Variants in ZNF804A observed in about 807,000 individuals in gnomAD.
The protein encoded by ZNF804A is zinc finger protein 804A.
ZNF804A carries 2 observed loss-of-function variants against 16.5 expected under a neutral mutation model. The ratio of observed to expected loss-of-function variants is 0.12; its 90% confidence interval spans 0.05 to 0.38. The LOEUF (loss-of-function observed/expected upper bound fraction) is 0.38. ZNF804A is among the 10% of genes least tolerant of loss of function. The probability of loss-of-function intolerance (pLI) is 0.99; values close to 1 mark genes in which losing one functional copy is unlikely to be tolerated. For missense variants in ZNF804A, 1,473 were observed against 1,390.7 expected (o/e 1.06, Z -0.94); for synonymous variants, 534 against 489.6 (o/e 1.09, Z -1.20).
intron 1 of ZNF804A, among the ~76,000 whole-genome samples, chr2:184,779,241 T>A (rs1221208637): frequency 6.6e-6 from 1 of 151,764 alleles, no homozygotes; most frequent in Non-Finnish European, 1.5e-5. Flanking sequence ...TGAAGTTGGG[T>A]TGGCCTCTCA....
rs1307029891 is a variant in ZNF804A at position 184,933,386 on chromosome 2, A to T, written c.256-217A>T. On this transcript the variant is annotated intron_variant, in intron 2 of 3. Transcript: ENST00000302277. ...CAATTAAAATTTGCCTAAGGCATAG[A>T]TATAAATTTCACTATGATGTAATAA... is the stretch of plus-strand genomic sequence containing the variant. Among the ~76,000 whole-genome samples, 4 of 152,194 alleles carry T rather than the reference A, an allele frequency of 2.6e-5. No homozygotes were observed. The East Asian group carries it at 7.7e-4, about 29-fold the overall frequency.
At position 184,653,160 on chromosome 2, in the gene ZNF804A, A is replaced by G. The variant is rs1009074223; in HGVS notation, c.111+54090A>G. On this transcript the variant is annotated intron_variant, in intron 1 of 3. Transcript: ENST00000302277. ...CTCTTTCATGTTTCCTCATTAAGGTATGAATCAATACTATTGCAATTGAAA... is the reference window on the plus strand; with the variant it reads ...CTCTTTCATGTTTCCTCATTAAGGTGTGAATCAATACTATTGCAATTGAAA... Among the ~76,000 whole-genome samples the G allele has an allele frequency of 4.6e-5, 7 of 152,164 alleles. No individual in the cohort carries two copies. The East Asian group carries it at 7.7e-4, about 17-fold the overall frequency.
intron 1 of ZNF804A, among the ~76,000 whole-genome samples, chr2:184,679,034 AT>A (rs1211365033): frequency 3.9e-5 from 6 of 152,230 alleles, no homozygotes; most frequent in Non-Finnish European, 5.9e-5. Context: ...TAATAAAAAA[AT>A]AAAAGAAACA....
chr2:184,800,748 A>C (rs1694711755), intron 1 of ZNF804A, among the ~76,000 whole-genome samples: 1 of 152,062 alleles, frequency 6.6e-6, no homozygotes, highest in Non-Finnish European at 1.5e-5. Context: ...ATAAAAAAGC[A>C]TACCTAATTT....
chr2:184,665,772 C>T (rs560022549), intron 1 of ZNF804A, among the ~76,000 whole-genome samples: 1 of 152,302 alleles, frequency 6.6e-6, no homozygotes, highest in Admixed American at 6.5e-5. Context: ...CTGCTATCTG[C>T]TTCTGGAAGT....
intron 1 of ZNF804A, among the ~76,000 whole-genome samples, chr2:184,790,764 C>G (rs1272421230): frequency 6.6e-6 from 1 of 151,874 alleles, no homozygotes; most frequent in African/African-American, 2.4e-5. Context: ...CCACAACGCC[C>G]GGCTAATTTT....
chr2:184,780,660 A>C (rs947943913), intron 1 of ZNF804A, among the ~76,000 whole-genome samples: 2 of 151,800 alleles, frequency 1.3e-5, no homozygotes, highest in Non-Finnish European at 2.9e-5. Flanking sequence ...AGAGCTTCTT[A>C]TACTGTTGAA....
At position 184,937,893 on chromosome 2, in the gene ZNF804A, G is replaced by A. The variant is rs1218611981; in HGVS notation, c.2497G>A (p.Asp833Asn). The change falls in exon 4 of 4, where the codon GAT becomes AAT. Residue 833 changes from aspartate (D) to asparagine (N), a missense_variant. Asp to Asn is a conservative substitution (Grantham distance 23, BLOSUM62 1). Coordinates refer to ENST00000302277, the MANE Select transcript of ZNF804A (RefSeq NM_194250.2). ...FETLELKENT[D>N]YPVKDNSSLN... ...AACTTTAGAACTCAAAGAAAATACA[G>A]ATTATCCCGTGAAAGACAATTCTTC... The A allele has an allele frequency of 6.2e-7, 1 of 1,614,084 alleles. No homozygotes were observed. The highest frequency in any genetic ancestry group is 8.5e-7 in the Non-Finnish European group (1 of 1,179,996).
chr2:184,668,096 T>A (rs1692279209), intron 1 of ZNF804A, among the ~76,000 whole-genome samples: 1 of 151,786 alleles, frequency 6.6e-6, no homozygotes, highest in Non-Finnish European at 1.5e-5. Flanking sequence ...AAAGATCAAT[T>A]AGGACAGCTA....
chr2:184,846,359 A>G (rs1335928875), intron 1 of ZNF804A, among the ~76,000 whole-genome samples: 1 of 152,120 alleles, frequency 6.6e-6, no homozygotes, highest in Non-Finnish European at 1.5e-5. Context: ...CCTTTTTTCT[A>G]CCTTTCAGAG....
chr2:184,901,405 A>G (rs1357999697), intron 2 of ZNF804A, among the ~76,000 whole-genome samples: 3 of 152,152 alleles, frequency 2.0e-5, no homozygotes, highest in South Asian at 2.1e-4. Context: ...CCTTTACATC[A>G]AAGTCATCCA....
intron 2 of ZNF804A, among the ~76,000 whole-genome samples, chr2:184,912,107 C>T (rs953527323): frequency 6.6e-6 from 1 of 151,962 alleles, no homozygotes; most frequent in African/African-American, 2.4e-5. Context: ...TCCAAACTTT[C>T]ACCTTCACAA....
intron 1 of ZNF804A, among the ~76,000 whole-genome samples, chr2:184,657,241 A>G (rs186840030): frequency 6.6e-6 from 1 of 152,190 alleles, no homozygotes; most frequent in East Asian, 1.9e-4. Flanking sequence ...ATACACCCCA[A>G]TGCCTGGCTA....
intron 1 of ZNF804A, among the ~76,000 whole-genome samples, chr2:184,823,573 C>G (rs952688374): frequency 3.3e-5 from 5 of 151,964 alleles, no homozygotes; most frequent in African/African-American, 1.2e-4. Flanking sequence ...TTATTAAATC[C>G]TTTTGTCAAA....
chr2:184,692,090 C>A (rs1692740581), intron 1 of ZNF804A, among the ~76,000 whole-genome samples: 1 of 152,104 alleles, frequency 6.6e-6, no homozygotes, highest in Non-Finnish European at 1.5e-5. Context: ...AATAGCATAG[C>A]ATTTTATTTT....
At chr2:184,666,251 C>G (rs1005018142) in intron 1 of ZNF804A, among the ~76,000 whole-genome samples, 1 of 151,924 alleles carries the variant, frequency 6.6e-6, no homozygotes, top group Non-Finnish European at 1.5e-5. Flanking sequence ...ATTTTAATAT[C>G]GTATATCATA....
chr2:184,615,688 G>A (rs1243339509), intron 1 of ZNF804A, among the ~76,000 whole-genome samples: 1 of 151,934 alleles, frequency 6.6e-6, no homozygotes, highest in East Asian at 1.9e-4. Flanking sequence ...ACAATCTCAA[G>A]CCCAATAATA....
At chr2:184,776,686 T>C (rs1379839684) in intron 1 of ZNF804A, among the ~76,000 whole-genome samples, 1 of 151,526 alleles carries the variant, frequency 6.6e-6, no homozygotes, top group Non-Finnish European at 1.5e-5. Flanking sequence ...TTATTAAATG[T>C]CCCAGTCTTA....
intron 1 of ZNF804A, among the ~76,000 whole-genome samples, chr2:184,628,338 G>T (rs1343924691): frequency 6.6e-6 from 1 of 151,728 alleles, no homozygotes; most frequent in African/African-American, 2.4e-5. Flanking sequence ...GAAAAAAAAG[G>T]TGTAAAGAAC....
Sources: allele counts gnomAD v4.1 joint callset (sites outside exome capture counted in the v4.1 genomes callset), GRCh38; gene constraint gnomAD v4.1.1; transcripts MANE v1.5; gene names NCBI Gene and HGNC (gene_info 2026-07-23, HGNC 2026-07-21).